Variants in EPHB2 observed in about 807,000 individuals in gnomAD.
The protein encoded by EPHB2 is EPH receptor B2.
In EPHB2, 18 loss-of-function variants were observed where a neutral mutation model predicts 96.4. The ratio of observed to expected loss-of-function variants is 0.19; its 90% CI spans 0.13 to 0.28. The LOEUF is 0.28. Ranked by LOEUF, EPHB2 falls within the 10% of genes least tolerant of loss-of-function variation. EPHB2 has a pLI of 1.00. For synonymous variants in EPHB2, 506 were observed against 534.1 expected (o/e 0.95, Z 0.72); for missense variants, 989 against 1,355.4 (o/e 0.73, Z 4.25).
chr1:22,784,713 G>A lies in EPHB2; in HGVS notation c.448G>A (p.Val150Met). ...TIAADESFSQ[V>M]DLGGRVMKIN... ...TGCAGCCGACGAGAGCTTCTCCCAG[G>A]TGGACCTGGGTGGCCGCGTCATGAA... Residue 150 changes from valine (V) to methionine (M), a missense_variant, in exon 3 of 16, where the codon GTG (valine) becomes ATG (methionine). Val to Met is a conservative substitution (Grantham distance 21). Coordinates refer to ENST00000374630, the MANE Select transcript of EPHB2 (RefSeq NM_017449.5). This position sits in a 1 kb window ranked among gnomAD's most constrained non-coding sequence, Gnocchi z 5.1. 1 of 1,613,568 alleles carries A rather than the reference G, an allele frequency of 6.2e-7. No homozygotes were observed. The highest frequency in any genetic ancestry group is 1.1e-5 in the South Asian group (1 of 91,078).
chr1:22,711,315 G>A (rs1239849729), intron 1 of EPHB2, among the ~76,000 whole-genome samples: 6 of 147,842 alleles, frequency 4.1e-5, no homozygotes, highest in South Asian at 2.1e-4. Flanking sequence ...CGCCGCCCAG[G>A]GCTGGGGGCT....
Position 22,806,496 on chromosome 1 carries a change from CGGACGGACGGAT to C in EPHB2, c.811+21424_811+21435del, listed in dbSNP as rs778532152. On this transcript the variant is annotated intron_variant, in intron 3 of 15. Transcript: ENST00000374630. ...ATGGATGGACGGACGGACGGACGGA[CGGACGGACGGAT>C]GGATGGATGGATGGATGGATGGATG... Among the ~76,000 whole-genome samples the C allele has an allele frequency of 3.7e-3, 440 of 118,266 alleles. 3 individuals carry two copies. The highest frequency in any genetic ancestry group is 0.012 in the African/African-American group (423 of 34,864). The allele number at this position is 118,266 out of a possible 152,430, so 77.6% of individuals were successfully genotyped here.
intron 1 of EPHB2, among the ~76,000 whole-genome samples, chr1:22,711,538 G>A (rs1478458225): frequency 6.6e-6 from 1 of 151,644 alleles, no homozygotes; most frequent in East Asian, 2.0e-4. Context: ...CCCCGAGATG[G>A]GGCCCGGCGC....
intron 1 of EPHB2, among the ~76,000 whole-genome samples, chr1:22,747,180 C>T (rs531547295): frequency 2.6e-4 from 39 of 152,298 alleles, no homozygotes; most frequent in African/African-American, 6.3e-4. Context: ...GTTCAGTCAC[C>T]GGACTGAGGG....
At position 22,801,997 on chromosome 1, in the gene EPHB2, T is replaced by G. The variant is rs111265910; in HGVS notation, c.811+16921T>G. Reference sequence around the variant, plus strand: ...GCCAAGCTGCAAGCAGCGCGGGGCCTGCTTGTCATGCTGGGCCCTGCGCAG... The same window carrying G: ...GCCAAGCTGCAAGCAGCGCGGGGCCGGCTTGTCATGCTGGGCCCTGCGCAG... On this transcript the variant is annotated intron_variant, in intron 3 of 15. Coordinates refer to ENST00000374630, the MANE Select transcript of EPHB2 (RefSeq NM_017449.5). 2.0e-4 allele frequency among the ~76,000 whole-genome samples: 30 copies of G among 152,290 alleles called. 1 individual carries two copies. Among genetic ancestry groups the G allele is most frequent in the African/African-American group, 6.7e-4 (28 of 41,574 alleles).
At chr1:22,730,367 T>A (rs921637471) in intron 1 of EPHB2, among the ~76,000 whole-genome samples, 1 of 152,154 alleles carries the variant, frequency 6.6e-6, no homozygotes, top group African/African-American at 2.4e-5. Flanking sequence ...ATCCCTGGCC[T>A]TTGGGGGTCT....
intron 1 of EPHB2, among the ~76,000 whole-genome samples, chr1:22,756,427 T>C (rs1644151684): frequency 6.6e-6 from 1 of 152,072 alleles, no homozygotes; most frequent in Admixed American, 6.5e-5. Flanking sequence ...TCCTGGGCCC[T>C]GACCCGGCCC....
At chr1:22,765,201 C>A (rs1431810747) in intron 1 of EPHB2, among the ~76,000 whole-genome samples, 1 of 152,110 alleles carries the variant, frequency 6.6e-6, no homozygotes, top group Non-Finnish European at 1.5e-5. Context: ...GCATAGGACC[C>A]CCACTGCACT....
intron 3 of EPHB2, among the ~76,000 whole-genome samples, chr1:22,808,729 G>A (rs889133754): frequency 4.6e-5 from 7 of 152,156 alleles, no homozygotes; most frequent in South Asian, 2.1e-4. Flanking sequence ...CTTATGACAC[G>A]GGTATTAATC....
chr1:22,730,682 G>A (rs530579778), intron 1 of EPHB2, among the ~76,000 whole-genome samples: 40 of 152,102 alleles, frequency 2.6e-4, no homozygotes, highest in Admixed American at 9.2e-4. Flanking sequence ...GCTGGGCAAA[G>A]GCCCTGTGAC....
At chr1:22,772,001 C>T (rs932560916) in intron 1 of EPHB2, among the ~76,000 whole-genome samples, 3 of 152,114 alleles carry the variant, frequency 2.0e-5, no homozygotes, top group African/African-American at 7.2e-5. Context: ...GTGTCCAGGG[C>T]TGTTCCCGTC....
intron 1 of EPHB2, among the ~76,000 whole-genome samples, chr1:22,754,447 C>A (rs1206456656): frequency 6.6e-6 from 1 of 152,114 alleles, no homozygotes; most frequent in African/African-American, 2.4e-5. Flanking sequence ...GACAGGGTGA[C>A]CATGTCCGGC....
At chr1:22,815,307 G>A (rs1366257026) in intron 3 of EPHB2, among the ~76,000 whole-genome samples, 1 of 152,160 alleles carries the variant, frequency 6.6e-6, no homozygotes, top group Non-Finnish European at 1.5e-5. Flanking sequence ...GAGTCCCAAA[G>A]TGCAGCCCCA....
At chr1:22,904,536 C>G (rs1179688580) in intron 9 of EPHB2, among the ~76,000 whole-genome samples, 1 of 152,186 alleles carries the variant, frequency 6.6e-6, no homozygotes, top group South Asian at 2.1e-4. Context: ...TTAAGAAACC[C>G]TGACCTCAAG....
chr1:22,907,181 A>T, intron 11 of EPHB2, among the ~76,000 whole-genome samples: 1 of 152,198 alleles, frequency 6.6e-6, no homozygotes, highest in East Asian at 1.9e-4. Context: ...TCTTCTCAGT[A>T]TGGTTCCCCA....
intron 14 of EPHB2, 150 bp downstream of exon 14, chr1:22,910,725 C>T: frequency 1.9e-6 from 2 of 1,040,796 alleles, no homozygotes; most frequent in Non-Finnish European, 2.9e-6. Context: ...ACCTGCCCTG[C>T]CTTAGGGGTG....
intron 4 of EPHB2, 43 bp from the exon 5 acceptor site, chr1:22,864,833 AC>A: frequency 7.7e-7 from 1 of 1,298,212 alleles, no homozygotes; most frequent in Non-Finnish European, 1.1e-6. Context: ...GGGGAATAGT[AC>A]CCCCTGAGCC....
At chr1:22,873,734 A>G (rs1226420637) in intron 5 of EPHB2, among the ~76,000 whole-genome samples, 2 of 152,244 alleles carry the variant, frequency 1.3e-5, no homozygotes, top group Non-Finnish European at 2.9e-5. Context: ...AATGGCTGCA[A>G]GGTCTCTGGC....
intron 3 of EPHB2, among the ~76,000 whole-genome samples, chr1:22,862,509 A>G (rs2148523185): frequency 6.6e-6 from 1 of 152,356 alleles, no homozygotes; most frequent in East Asian, 1.9e-4. Context: ...CACAGCTAGT[A>G]AAAGGCCTAG....
Sources: allele counts gnomAD v4.1 joint callset (sites outside exome capture counted in the v4.1 genomes callset), GRCh38; gene constraint gnomAD v4.1.1; non-coding constraint Gnocchi (gnomAD v3.1); transcripts MANE v1.5; gene names NCBI Gene and HGNC (gene_info 2026-07-23, HGNC 2026-07-21).